MYRFL: variants seen among roughly 807,000 people sequenced by gnomAD.
MYRFL encodes the protein myelin regulatory factor like.
A neutral mutation model predicts 109.4 loss-of-function variants in MYRFL; 88 were observed. The observed-to-expected ratio is 0.80, with a 90% CI of 0.68 to 0.96. MYRFL has a LOEUF of 0.96. MYRFL is among the 40% of genes least tolerant of loss of function. The probability of loss-of-function intolerance (pLI) is 0.00; values close to 1 mark genes in which losing one functional copy is unlikely to be tolerated. For missense variants in MYRFL, 957 were observed against 954.9 expected, an observed-to-expected ratio of 1.00 and a Z score of -0.03; for synonymous variants, 324 against 320.9, an observed-to-expected ratio of 1.01 and a Z score of -0.10.
chr12:69,901,881 C>CTGT (rs1954198136), intron 10 of MYRFL, among the ~76,000 whole-genome samples: 1 of 123,338 alleles, frequency 8.1e-6, no homozygotes, highest in African/African-American at 3.1e-5. Context: ...TCTTTCACTG[C>CTGT]TGTTTTTTTT....
chr12:69,935,926 G>A, intron 16 of MYRFL, 187 bp from the exon 17 acceptor site: 4 of 662,030 alleles, frequency 6.0e-6, no homozygotes, highest in Non-Finnish European at 9.9e-6. Context: ...TTTCTCTCCA[G>A]GGCAGAAAAG....
intron 15 of MYRFL, among the ~76,000 whole-genome samples, chr12:69,930,182 G>T (rs928667969): frequency 6.6e-6 from 1 of 152,120 alleles, no homozygotes; most frequent in African/African-American, 2.4e-5. Context: ...TGTGAGTGGG[G>T]AGTGGTATTC....
At position 69,957,919 on chromosome 12, in the gene MYRFL, G is replaced by A; in HGVS notation, c.2548G>A (p.Glu850Lys). 2.0e-6 allele frequency: 3 copies of A among 1,534,628 alleles called. No individual in the cohort carries two copies. Among genetic ancestry groups the A allele is most frequent in the Non-Finnish European group, 2.6e-6 (3 of 1,145,832 alleles). Residue 850 changes from glutamate to lysine, a missense_variant, in exon 23 of 25, where the codon GAA (glutamate) becomes AAA (lysine). Physicochemically the swap from Glu to Lys is moderately conservative, Grantham distance 56 (BLOSUM62 1). Coordinates refer to ENST00000552032, the MANE Select transcript of MYRFL (RefSeq NM_182530.3). The stretch of plus-strand genomic sequence containing the variant: ...AACCAAAGGGCTGGAAAGCCACAGA[G>A]AAATCTCCCAGGAGATGACACAGGT... ...RGTKGLESHR[E>K]ISQEMTQGYQ...
chr12:69,854,192 A>T lies in MYRFL; in HGVS notation c.47-1088A>T, dbSNP rs190153233. On this transcript the variant is annotated intron_variant, in intron 1 of 24. Coordinates refer to ENST00000552032, the MANE Select transcript of MYRFL (RefSeq NM_182530.3). ...AACCCCGTCTCCACCAAAAAATACA[A>T]AAACCAGTCAGGCGTGGCGGCGCGT... 2.4e-3 allele frequency among the ~76,000 whole-genome samples: 368 copies of T among 152,246 alleles called. 3 individuals carry two copies. The highest frequency in any genetic ancestry group is 4.1e-3 in the Non-Finnish European group (282 of 68,012).
At chr12:69,913,321 T>C (rs1954632410) in intron 13 of MYRFL, among the ~76,000 whole-genome samples, 1 of 152,242 alleles carries the variant, frequency 6.6e-6, no homozygotes, top group Non-Finnish European at 1.5e-5. Context: ...ATCCAGTTTA[T>C]CTATTTTCCC....
chr12:69,938,974 G>C (rs991904121), intron 19 of MYRFL, among the ~76,000 whole-genome samples: 1 of 152,156 alleles, frequency 6.6e-6, no homozygotes, highest in Non-Finnish European at 1.5e-5. Flanking sequence ...CGAATACTGC[G>C]CATTTCCGAC....
chr12:69,852,859 C>A (rs1883968986), intron 1 of MYRFL, among the ~76,000 whole-genome samples: 2 of 152,002 alleles, frequency 1.3e-5, no homozygotes, highest in Non-Finnish European at 2.9e-5. Flanking sequence ...ATCCATTTAA[C>A]CCTGAGTTGA....
intron 7 of MYRFL, 108 bp from the exon 8 acceptor site, chr12:69,893,656 A>C: frequency 2.2e-6 from 1 of 449,574 alleles, no homozygotes; most frequent in Non-Finnish European, 3.5e-6. Flanking sequence ...CCTCCTGCCC[A>C]GTGCCTAGGA....
chr12:69,921,386 GA>G (rs1001584144), intron 13 of MYRFL, among the ~76,000 whole-genome samples: 1 of 152,088 alleles, frequency 6.6e-6, no homozygotes, highest in African/African-American at 2.4e-5. Flanking sequence ...TGTGTATTTA[GA>G]AAAAATTTCC....
At chr12:69,834,664 A>G (rs1882830526) in intron 1 of MYRFL, among the ~76,000 whole-genome samples, 1 of 152,214 alleles carries the variant, frequency 6.6e-6, no homozygotes, top group Non-Finnish European at 1.5e-5. Context: ...AAGAACAAGT[A>G]CAGCTACATA....
chr12:69,855,783 C>CT lies in MYRFL; in HGVS notation c.137+424dup, dbSNP rs541870314. Among the ~76,000 whole-genome samples, 462 of 140,988 alleles carry CT rather than the reference C, an allele frequency of 3.3e-3. 5 individuals carry two copies. The highest frequency in any genetic ancestry group is 0.011 in the African/African-American group (412 of 38,904). 92.5% of individuals were successfully genotyped at this position (140,988 alleles called of 152,430 possible). ...GTTGTTCTTGATGTCAGTAACTTGT[C>CT]TTTTTTTTTTTCTTGGTTAATCTGA... On this transcript the variant is annotated intron_variant, in intron 2 of 24. Transcript: ENST00000552032.
chr12:69,828,575 A>G (rs1227055757), intron 1 of MYRFL, among the ~76,000 whole-genome samples: 1 of 152,148 alleles, frequency 6.6e-6, no homozygotes, highest in Non-Finnish European at 1.5e-5. Flanking sequence ...AACGTTTGCA[A>G]AGTTTTAAGT....
At chr12:69,932,462 C>A in intron 15 of MYRFL, 51 bp from the exon 16 acceptor site, 1 of 1,266,974 alleles carries the variant, frequency 7.9e-7, no homozygotes, top group Non-Finnish European at 1.1e-6. Flanking sequence ...GCTCCCTTCT[C>A]ACAGTTAGAG....
intron 1 of MYRFL, among the ~76,000 whole-genome samples, chr12:69,831,327 A>G (rs1318465314): frequency 6.6e-6 from 1 of 152,178 alleles, no homozygotes; most frequent in Non-Finnish European, 1.5e-5. Flanking sequence ...AATGGTTGCA[A>G]TAGAGACCAT....
At chr12:69,939,022 C>T (rs1353492476) in intron 19 of MYRFL, among the ~76,000 whole-genome samples, 9 of 152,240 alleles carry the variant, frequency 5.9e-5, no homozygotes, top group Non-Finnish European at 1.3e-4. Flanking sequence ...TTATATCCCG[C>T]ACCTGGCTCG....
At chr12:69,895,814 TG>T (rs1431140503) in intron 9 of MYRFL, among the ~76,000 whole-genome samples, 4 of 152,202 alleles carry the variant, frequency 2.6e-5, no homozygotes, top group Non-Finnish European at 5.9e-5. Context: ...TCTCAACCAG[TG>T]TGCTGATCTC....
At chr12:69,882,767 C>G (rs1886208716) in intron 5 of MYRFL, among the ~76,000 whole-genome samples, 1 of 152,158 alleles carries the variant, frequency 6.6e-6, no homozygotes, top group Admixed American at 6.5e-5. Flanking sequence ...TCATGGCCTC[C>G]CTGGAAGGCT....
At chr12:69,937,579 T>A (rs1955510915) in intron 19 of MYRFL, among the ~76,000 whole-genome samples, 1 of 152,238 alleles carries the variant, frequency 6.6e-6, no homozygotes, top group East Asian at 1.9e-4. Flanking sequence ...ATGTTCCGAC[T>A]CTTAAAGCTT....
rs75332724 is a variant in MYRFL, at chr12:69,915,623, C to A, written c.1602+4693C>A. Reference sequence around the variant, plus strand: ...ACAGATGACCTTACAAAATAAACTACTTATCTGGGGTAATTTGCCTCTTCT... The same window carrying A: ...ACAGATGACCTTACAAAATAAACTAATTATCTGGGGTAATTTGCCTCTTCT... On this transcript the variant is annotated intron_variant, in intron 13 of 24. Transcript: ENST00000552032. Among the ~76,000 whole-genome samples the A allele has an allele frequency of 3.8e-4, 58 of 152,230 alleles. No homozygotes were observed. In the East Asian group the frequency reaches 0.011, roughly 28 times the overall value.
Sources: allele counts gnomAD v4.1 joint callset (sites outside exome capture counted in the v4.1 genomes callset), GRCh38; gene constraint gnomAD v4.1.1; transcripts MANE v1.5; gene names NCBI Gene and HGNC (gene_info 2026-07-23, HGNC 2026-07-21).